TMEM114: variants seen among roughly 807,000 people sequenced by gnomAD.
TMEM114 encodes claudin-26.
TMEM114 carries 6 observed loss-of-function variants against 6.2 expected under a neutral mutation model. The ratio of observed to expected loss-of-function variants is 0.97; its 90% CI spans 0.53 to 1.91. The LOEUF (loss-of-function observed/expected upper bound fraction) is 1.91, where lower values mean the gene tolerates loss of function less well. Ranked by LOEUF, TMEM114 falls within the 40% of genes most tolerant of loss-of-function variation. The pLI, the probability that TMEM114 is intolerant of heterozygous loss-of-function variation, is 0.01. For missense variants in TMEM114, 218 were observed against 158.3 expected (o/e 1.38, Z -2.02); for synonymous variants, 104 against 73.0 (o/e 1.42, Z -2.16).
chr16:8,564,385 G>GT (rs1901443201), intron 2 of TMEM114, among the ~76,000 whole-genome samples: 2 of 147,892 alleles, frequency 1.4e-5, no homozygotes, highest in Admixed American at 6.7e-5. Context: ...GAATGAGTGA[G>GT]GGAATGAGTG....
chr16:8,564,140 A>C (rs545884450), intron 2 of TMEM114, among the ~76,000 whole-genome samples: 14 of 151,210 alleles, frequency 9.3e-5, no homozygotes, highest in East Asian at 3.9e-4. Context: ...TTAGTGAATG[A>C]GTGAGTGAAT....
At chr16:8,544,920 T>TTCTC (rs144585319) in intron 2 of TMEM114, among the ~76,000 whole-genome samples, 166 of 147,712 alleles carry the variant, frequency 1.1e-3, no homozygotes, top group Middle Eastern at 3.5e-3. Context: ...CTCAACATCT[T>TTCTC]TCTCTCTCTC....
chr16:8,558,486 G>A (rs1243595254), intron 2 of TMEM114, among the ~76,000 whole-genome samples: 1 of 151,908 alleles, frequency 6.6e-6, no homozygotes, highest in African/African-American at 2.4e-5. Context: ...TTGGTTTTAG[G>A]GCCCACCCTA....
downstream of TMEM114, among the ~76,000 whole-genome samples, chr16:8,565,317 T>C (rs942951524): frequency 6.6e-6 from 1 of 152,094 alleles, no homozygotes; most frequent in African/African-American, 2.4e-5. Flanking sequence ...AGTGAAGCAA[T>C]GAGTGAGTAA....
intron 2 of TMEM114, among the ~76,000 whole-genome samples, chr16:8,545,362 G>A (rs1284651827): frequency 6.6e-6 from 1 of 152,064 alleles, no homozygotes; most frequent in East Asian, 1.9e-4. Context: ...CTTGAGCCCA[G>A]GAGGTTGAGG....
At chr16:8,546,687 C>G (rs899908751) in intron 2 of TMEM114, among the ~76,000 whole-genome samples, 5 of 152,204 alleles carry the variant, frequency 3.3e-5, no homozygotes, top group Non-Finnish European at 5.9e-5. Flanking sequence ...AGAAAGCTAA[C>G]CAGATACCCC....
At chr16:8,562,134 G>C (rs891729968) in intron 2 of TMEM114, among the ~76,000 whole-genome samples, 16 of 149,826 alleles carry the variant, frequency 1.1e-4, no homozygotes, top group Admixed American at 1.3e-4. Flanking sequence ...ATGAGTGAGT[G>C]AATGAGTGAG....
intron 2 of TMEM114, among the ~76,000 whole-genome samples, chr16:8,575,980 G>A (rs1237077178): frequency 6.6e-6 from 1 of 152,156 alleles, no homozygotes; most frequent in Non-Finnish European, 1.5e-5. Context: ...ACAGTTTCCA[G>A]CTTCTGGGAA....
At chr16:8,533,239 G>T (rs1900266134), downstream of TMEM114, among the ~76,000 whole-genome samples, 2 of 152,184 alleles carry the variant, frequency 1.3e-5, no homozygotes, top group South Asian at 2.1e-4. Context: ...GATTACTTTC[G>T]ATTAGTTCAA....
chr16:8,587,291 G>C (rs1366371841), intron 2 of TMEM114, among the ~76,000 whole-genome samples: 2 of 152,176 alleles, frequency 1.3e-5, no homozygotes, highest in Non-Finnish European at 2.9e-5. Flanking sequence ...TAACATGTTT[G>C]TTCAGCAAAC....
chr16:8,529,332 C>A, the TMEM114 span, among the ~76,000 whole-genome samples: 4 of 152,182 alleles, frequency 2.6e-5, no homozygotes, highest in African/African-American at 9.7e-5. Flanking sequence ...CATCTGAGAC[C>A]GTTGGCCTAG....
chr16:8,555,399 T>C (rs557622657), intron 2 of TMEM114, among the ~76,000 whole-genome samples: 22 of 152,220 alleles, frequency 1.4e-4, no homozygotes, highest in Non-Finnish European at 2.8e-4. Flanking sequence ...GTCGTCTTTA[T>C]ACCCACTTTT....
chr16:8,547,889 G>T (rs139098356), intron 2 of TMEM114, among the ~76,000 whole-genome samples: 9 of 152,256 alleles, frequency 5.9e-5, no homozygotes, highest in African/African-American at 2.2e-4. Context: ...CTGGGCTTGG[G>T]AGGCCCATCA....
At chr16:8,565,243 A>C (rs537302435), downstream of TMEM114, among the ~76,000 whole-genome samples, 1 of 152,312 alleles carries the variant, frequency 6.6e-6, no homozygotes, top group Admixed American at 6.5e-5. Context: ...GAAGCATGGG[A>C]CAGGTATAAG....
At chr16:8,562,148 G>C (rs941752459) in intron 2 of TMEM114, among the ~76,000 whole-genome samples, 1 of 149,994 alleles carries the variant, frequency 6.7e-6, no homozygotes, top group Non-Finnish European at 1.5e-5. Context: ...GAGTGAGTTA[G>C]TGAATAAGTG....
intron 2 of TMEM114, among the ~76,000 whole-genome samples, chr16:8,545,480 A>T (rs989562629): frequency 6.6e-6 from 1 of 152,144 alleles, no homozygotes; most frequent in Non-Finnish European, 1.5e-5. Flanking sequence ...CATCACCATC[A>T]TCATCACCTA....
the TMEM114 span, among the ~76,000 whole-genome samples, chr16:8,529,906 G>T: frequency 2.0e-5 from 3 of 152,128 alleles, no homozygotes; most frequent in African/African-American, 7.2e-5. Flanking sequence ...GGATTTCTAT[G>T]AATTAGTATT....
chr16:8,546,523 G>C (rs935008371), intron 2 of TMEM114, among the ~76,000 whole-genome samples: 1 of 152,188 alleles, frequency 6.6e-6, no homozygotes, highest in Non-Finnish European at 1.5e-5. Flanking sequence ...CTGTAAGTCA[G>C]ACTTGTAGAA....
At chr16:8,577,687 A>T (rs1901989005) in intron 2 of TMEM114, among the ~76,000 whole-genome samples, 1 of 151,748 alleles carries the variant, frequency 6.6e-6, no homozygotes, top group African/African-American at 2.4e-5. Context: ...GGGTTCAAGC[A>T]ATTCTCCTGT....
Sources: allele counts gnomAD v4.1 joint callset (sites outside exome capture counted in the v4.1 genomes callset), GRCh38; gene constraint gnomAD v4.1.1; transcripts MANE v1.5; gene names NCBI Gene and HGNC (gene_info 2026-07-23, HGNC 2026-07-21).